Variants in PIP4K2A observed in about 807,000 individuals in gnomAD.
PIP4K2A encodes phosphatidylinositol-5-phosphate 4-kinase type 2 alpha.
PIP4K2A carries 14 observed loss-of-function variants against 42.9 expected under a neutral mutation model. The observed-to-expected ratio is 0.33, with a 90% CI of 0.22 to 0.51. The LOEUF (loss-of-function observed/expected upper bound fraction) is 0.51, where lower values mean the gene tolerates loss of function less well. Among genes scored for constraint, PIP4K2A ranks in the 20% least tolerant of loss-of-function variants. The pLI is 0.97. For synonymous variants in PIP4K2A, 192 were observed against 192.2 expected (o/e 1.00, Z 0.01); for missense variants, 434 against 519.8 (o/e 0.83, Z 1.61).
intron 7 of PIP4K2A, among the ~76,000 whole-genome samples, chr10:22,543,226 GC>G (rs976610515): frequency 1.3e-5 from 2 of 152,108 alleles, no homozygotes; most frequent in African/African-American, 4.8e-5. Context: ...GGACCCCTGG[GC>G]ACAGGGCTAT....
At chr10:22,686,958 T>C (rs1425416549) in intron 1 of PIP4K2A, among the ~76,000 whole-genome samples, 1 of 152,178 alleles carries the variant, frequency 6.6e-6, no homozygotes, top group East Asian at 1.9e-4. Context: ...AACGCGCACA[T>C]TCTGTCTCCT....
chr10:22,597,462 T>C (rs1311806827), intron 3 of PIP4K2A, among the ~76,000 whole-genome samples: 1 of 152,188 alleles, frequency 6.6e-6, no homozygotes, highest in Non-Finnish European at 1.5e-5. Flanking sequence ...TCGGAGGTTC[T>C]TGTTTTCCTC....
chr10:22,607,862 G>C, intron 3 of PIP4K2A, 65 bp downstream of exon 3: 1 of 950,154 alleles, frequency 1.1e-6, no homozygotes, highest in South Asian at 1.4e-5. Context: ...GATCCCAATT[G>C]ACACAGCAAA....
At chr10:22,670,974 C>A (rs990118999) in intron 1 of PIP4K2A, among the ~76,000 whole-genome samples, 4 of 152,130 alleles carry the variant, frequency 2.6e-5, no homozygotes, top group African/African-American at 9.7e-5. Flanking sequence ...AAGCAGTCAT[C>A]ATATTGGCAT....
chr10:22,539,673 T>G, intron 9 of PIP4K2A: 1 of 316,050 alleles, frequency 3.2e-6, no homozygotes, highest in Non-Finnish European at 5.8e-6. Flanking sequence ...AAAGAAGAGA[T>G]GTTCATGTTT....
intron 1 of PIP4K2A, among the ~76,000 whole-genome samples, chr10:22,666,048 T>A (rs1209803041): frequency 6.6e-6 from 1 of 152,136 alleles, no homozygotes; most frequent in Non-Finnish European, 1.5e-5. Context: ...TCTAATAAAC[T>A]TGACCAAGGA....
intron 1 of PIP4K2A, among the ~76,000 whole-genome samples, chr10:22,630,175 A>G (rs1385800847): frequency 8.2e-6 from 1 of 122,074 alleles, no homozygotes; most frequent in African/African-American, 3.5e-5. Flanking sequence ...TCATGACTAC[A>G]AAAAAAAAAA....
chr10:22,562,951 C>T lies in PIP4K2A; in HGVS notation c.678+4900G>A, dbSNP rs147061575. On this transcript the variant is annotated intron_variant, in intron 6 of 9. Transcript: ENST00000376573. ...AAATCGCTGGGGACGTGGTCGGTGA[C>T]GGTGGGTGGGAGCCAGATTGCAGCA... is the stretch of plus-strand genomic sequence containing the variant. Among the ~76,000 whole-genome samples the T allele has an allele frequency of 6.5e-4, 99 of 152,142 alleles. No individual in the cohort carries two copies. The Middle Eastern group carries it at 0.01, about 16-fold the overall frequency.
At chr10:22,666,511 T>C (rs1223596305) in intron 1 of PIP4K2A, among the ~76,000 whole-genome samples, 1 of 152,200 alleles carries the variant, frequency 6.6e-6, no homozygotes, top group Non-Finnish European at 1.5e-5. Context: ...AAAGATATTA[T>C]CAAATACTTA....
intron 1 of PIP4K2A, among the ~76,000 whole-genome samples, chr10:22,644,202 G>A (rs972562032): frequency 4.6e-5 from 7 of 152,046 alleles, no homozygotes; most frequent in Non-Finnish European, 8.8e-5. Flanking sequence ...GAGTAGCTTG[G>A]GCCCAAACTC....
At chr10:22,700,162 T>C (rs1184059916) in intron 1 of PIP4K2A, among the ~76,000 whole-genome samples, 5 of 152,214 alleles carry the variant, frequency 3.3e-5, no homozygotes, top group Non-Finnish European at 7.3e-5. Flanking sequence ...GCTTGCTGCC[T>C]TGAGCTGTAT....
At chr10:22,692,806 A>G (rs1011046138) in intron 1 of PIP4K2A, among the ~76,000 whole-genome samples, 3 of 152,234 alleles carry the variant, frequency 2.0e-5, no homozygotes, top group African/African-American at 7.2e-5. Context: ...ACTATGGTAT[A>G]GGAATCTTCT....
intron 6 of PIP4K2A, among the ~76,000 whole-genome samples, chr10:22,554,332 ACT>A (rs753199354): frequency 1.0e-3 from 154 of 152,238 alleles, no homozygotes; most frequent in Middle Eastern, 3.4e-3. Context: ...AACTTAATAA[ACT>A]CTTGGTGTAA....
At chr10:22,612,877 CAA>C (rs1838088395) in intron 1 of PIP4K2A, among the ~76,000 whole-genome samples, 1 of 152,024 alleles carries the variant, frequency 6.6e-6, no homozygotes. Flanking sequence ...GCAGCAGGGG[CAA>C]GAGATAAAAA....
chr10:22,633,880 G>A (rs1282599837), intron 1 of PIP4K2A, among the ~76,000 whole-genome samples: 1 of 152,184 alleles, frequency 6.6e-6, no homozygotes, highest in Non-Finnish European at 1.5e-5. Context: ...GCTTCTCAAG[G>A]CATCTCAGAT....
chr10:22,566,291 C>A (rs960777625), intron 6 of PIP4K2A, among the ~76,000 whole-genome samples: 1 of 152,080 alleles, frequency 6.6e-6, no homozygotes, highest in Non-Finnish European at 1.5e-5. Flanking sequence ...TTTCTCAAGC[C>A]GGCTGATGCT....
intron 1 of PIP4K2A, among the ~76,000 whole-genome samples, chr10:22,617,598 C>G (rs1379903448): frequency 6.6e-6 from 1 of 152,220 alleles, no homozygotes; most frequent in Non-Finnish European, 1.5e-5. Context: ...AGAGGAGACA[C>G]TGAGATACTT....
chr10:22,539,721 G>A, intron 9 of PIP4K2A: 2 of 476,506 alleles, frequency 4.2e-6, no homozygotes, highest in Non-Finnish European at 3.8e-6. Flanking sequence ...GCTGTGGTAA[G>A]AGCAGCAGTG....
At chr10:22,682,029 C>T (rs1839672633) in intron 1 of PIP4K2A, among the ~76,000 whole-genome samples, 1 of 152,036 alleles carries the variant, frequency 6.6e-6, no homozygotes, top group African/African-American at 2.4e-5. Flanking sequence ...AAAAACTATC[C>T]TTAGTTCGTG....
Sources: allele counts gnomAD v4.1 joint callset (sites outside exome capture counted in the v4.1 genomes callset), GRCh38; gene constraint gnomAD v4.1.1; transcripts MANE v1.5; gene names NCBI Gene and HGNC (gene_info 2026-07-23, HGNC 2026-07-21).